The following KCTD16 variants were observed in gnomAD, a reference collection of about 807,000 sequenced individuals.
KCTD16 encodes the protein BTB/POZ domain-containing protein KCTD16.
KCTD16 carries 13 observed loss-of-function variants against 33.2 expected under a neutral mutation model. The observed-to-expected ratio is 0.39, with a 90% CI of 0.25 to 0.62. KCTD16 has a LOEUF of 0.62. KCTD16 is among the 20% of genes least tolerant of loss of function. The pLI, the probability that KCTD16 is intolerant of heterozygous loss-of-function variation, is 0.50. For synonymous variants in KCTD16, 197 were observed against 195.3 expected, an observed-to-expected ratio of 1.01 and a Z score of -0.07; for missense variants, 441 against 525.1, an observed-to-expected ratio of 0.84 and a Z score of 1.57.
chr5:144,182,085 CAA>C (rs371259746), intron 2 of KCTD16, among the ~76,000 whole-genome samples: 17 of 119,346 alleles, frequency 1.4e-4, no homozygotes, highest in African/African-American at 5.9e-5. Context: ...AACTCCATCT[CAA>C]AAAAAAAAAA....
chr5:144,335,230 T>G (rs950984457), intron 3 of KCTD16, among the ~76,000 whole-genome samples: 1 of 152,222 alleles, frequency 6.6e-6, no homozygotes, highest in African/African-American at 2.4e-5. Flanking sequence ...CATGTTACTA[T>G]TAATGATCTT....
intron 3 of KCTD16, chr5:144,384,042 G>T (rs1752272826): frequency 6.6e-6 from 1 of 152,138 alleles, no homozygotes; most frequent in African/African-American, 2.4e-5. Context: ...ATTAGTCTTT[G>T]TGCAATGGAA....
intron 3 of KCTD16, among the ~76,000 whole-genome samples, chr5:144,342,345 T>C (rs1752669676): frequency 6.6e-6 from 1 of 152,216 alleles, no homozygotes; most frequent in South Asian, 2.1e-4. Flanking sequence ...CAGTTGTGAA[T>C]GGGAGTTCAT....
At chr5:144,414,327 G>A (rs1488640374) in intron 3 of KCTD16, among the ~76,000 whole-genome samples, 1 of 152,232 alleles carries the variant, frequency 6.6e-6, no homozygotes, top group African/African-American at 2.4e-5. Context: ...AACCCAAACA[G>A]GTTGTCATGG....
At chr5:144,465,461 T>C (rs1580985843) in intron 3 of KCTD16, among the ~76,000 whole-genome samples, 3 of 152,120 alleles carry the variant, frequency 2.0e-5, no homozygotes, top group African/African-American at 7.2e-5. Flanking sequence ...TGACACCCTT[T>C]CTTTCTCCAG....
intron 3 of KCTD16, among the ~76,000 whole-genome samples, chr5:144,277,359 AGAAAAAC>A (rs1755468017): frequency 6.6e-6 from 1 of 152,208 alleles, no homozygotes; most frequent in African/African-American, 2.4e-5. Flanking sequence ...TCTTGGCTGA[AGAAAAAC>A]ATCACAAACT....
chr5:144,347,641 A>G (rs1752839880), intron 3 of KCTD16, among the ~76,000 whole-genome samples: 1 of 152,174 alleles, frequency 6.6e-6, no homozygotes, highest in Non-Finnish European at 1.5e-5. Flanking sequence ...AGAAGAAGCC[A>G]GACTCATGAG....
At chr5:144,445,207 G>A (rs1016863679) in intron 3 of KCTD16, among the ~76,000 whole-genome samples, 1 of 151,782 alleles carries the variant, frequency 6.6e-6, no homozygotes, top group Non-Finnish European at 1.5e-5. Context: ...TTGTGTTTAT[G>A]TGCTCTTCTG....
chr5:144,466,160 G>T (rs974233657), intron 3 of KCTD16, among the ~76,000 whole-genome samples: 2 of 151,856 alleles, frequency 1.3e-5, no homozygotes, highest in Non-Finnish European at 2.9e-5. Context: ...TCTGTTGGAG[G>T]AGATATCACA....
At chr5:144,405,357 A>T (rs1205014329) in intron 3 of KCTD16, among the ~76,000 whole-genome samples, 1 of 152,206 alleles carries the variant, frequency 6.6e-6, no homozygotes, top group Non-Finnish European at 1.5e-5. Context: ...ATTCAGGCCA[A>T]TGAGAATGTT....
chr5:144,285,825 A>G (rs753468671), intron 3 of KCTD16, among the ~76,000 whole-genome samples: 28 of 152,272 alleles, frequency 1.8e-4, no homozygotes, highest in Admixed American at 3.9e-4. Context: ...GCAGGAAAAG[A>G]TCTTTGTCAG....
intron 3 of KCTD16, among the ~76,000 whole-genome samples, chr5:144,349,925 A>G (rs1347713989): frequency 6.6e-6 from 1 of 152,152 alleles, no homozygotes; most frequent in East Asian, 1.9e-4. Flanking sequence ...ACAGCTGCCA[A>G]TCCCTTCCTG....
chr5:144,358,655 G>T (rs1446440042), intron 3 of KCTD16, among the ~76,000 whole-genome samples: 1 of 152,094 alleles, frequency 6.6e-6, no homozygotes, highest in Non-Finnish European at 1.5e-5. Context: ...CACAAACTGG[G>T]GGCTTATAAA....
intron 3 of KCTD16, among the ~76,000 whole-genome samples, chr5:144,419,565 C>T (rs1344950364): frequency 6.6e-6 from 1 of 152,086 alleles, no homozygotes; most frequent in East Asian, 1.9e-4. Flanking sequence ...GGAGGCAGGG[C>T]AATCATGAAG....
intron 3 of KCTD16, among the ~76,000 whole-genome samples, chr5:144,257,640 C>A (rs1561545262): frequency 6.6e-6 from 1 of 152,064 alleles, no homozygotes; most frequent in African/African-American, 2.4e-5. Context: ...AGGCGCCCAC[C>A]ACCACGCCTG....
rs183648925 is a variant in KCTD16 at position 144,249,530 on chromosome 5, C to T, written c.832+41984C>T. Among the ~76,000 whole-genome samples the T allele has an allele frequency of 7.9e-5, 12 of 151,980 alleles. 1 individual carries two copies. The highest frequency in any genetic ancestry group is 3.9e-4 in the East Asian group (2 of 5,180). On this transcript the variant is annotated intron_variant, in intron 3 of 3. Transcript: ENST00000512467. ...AGTAACTATTTATTTAATAAGTTAA[C>T]GGGGGTAGGAAGGAAAGGAGTTGGT...
intron 3 of KCTD16, among the ~76,000 whole-genome samples, chr5:144,273,042 C>T (rs1216960766): frequency 3.9e-5 from 6 of 152,036 alleles, no homozygotes; most frequent in Non-Finnish European, 8.8e-5. Context: ...AGGTAACCCA[C>T]AAGATAGGAG....
chr5:144,409,804 C>T (rs1283305044), intron 3 of KCTD16, among the ~76,000 whole-genome samples: 4 of 151,822 alleles, frequency 2.6e-5, no homozygotes, highest in South Asian at 2.1e-4. Flanking sequence ...GCAACGAGAC[C>T]GAAACTCTGT....
chr5:144,339,001 C>T (rs2546537), intron 3 of KCTD16, among the ~76,000 whole-genome samples: 37,794 of 152,052 alleles, frequency 0.25, 4,866 homozygotes, highest in Non-Finnish European at 0.28. Flanking sequence ...TTTATCCATC[C>T]CCTGGAACGT....
Sources: gnomAD v4.1 joint callset for allele counts (sites outside exome capture counted in the v4.1 genomes callset) on GRCh38, gnomAD v4.1.1 for gene constraint, MANE v1.5 for transcripts, NCBI Gene and HGNC (gene_info 2026-07-23, HGNC 2026-07-21) for gene names.